Variants in LMX1A observed in about 807,000 individuals in gnomAD.
LMX1A encodes LIM homeobox transcription factor 1-alpha.
A neutral mutation model predicts 49.1 loss-of-function variants in LMX1A; 15 were observed. The observed-to-expected ratio is 0.31, with a 90% CI of 0.20 to 0.47. LMX1A has a LOEUF of 0.47. Among genes scored for constraint, LMX1A ranks in the 20% least tolerant of loss-of-function variants. LMX1A has a pLI of 1.00. For missense variants in LMX1A, 372 were observed against 475.8 expected, an observed-to-expected ratio of 0.78 and a Z score of 2.03; for synonymous variants, 167 against 185.7, an observed-to-expected ratio of 0.90 and a Z score of 0.82.
At chr1:165,309,242 T>C (rs1399007608) in intron 3 of LMX1A, among the ~76,000 whole-genome samples, 7 of 152,136 alleles carry the variant, frequency 4.6e-5, no homozygotes, top group Admixed American at 4.6e-4. Flanking sequence ...CACACGCTGC[T>C]ACAGAGAGCC....
chr1:165,294,692 G>A (rs573572806), intron 3 of LMX1A, among the ~76,000 whole-genome samples: 9 of 152,320 alleles, frequency 5.9e-5, no homozygotes, highest in South Asian at 4.1e-4. Flanking sequence ...GGCTGGGCAC[G>A]GTGGCTCATG....
chr1:165,282,206 CT>C (rs1654173669), intron 3 of LMX1A, among the ~76,000 whole-genome samples: 1 of 152,212 alleles, frequency 6.6e-6, no homozygotes, highest in Non-Finnish European at 1.5e-5. Context: ...ATCTCTATCA[CT>C]AGCCACTCTT....
At chr1:165,291,844 A>G (rs1334835371) in intron 3 of LMX1A, among the ~76,000 whole-genome samples, 1 of 152,040 alleles carries the variant, frequency 6.6e-6, no homozygotes, top group East Asian at 1.9e-4. Flanking sequence ...CGGGCGGATC[A>G]CAAGGTCAGG....
At chr1:165,257,680 A>G (rs1303641500) in intron 3 of LMX1A, among the ~76,000 whole-genome samples, 1 of 152,200 alleles carries the variant, frequency 6.6e-6, no homozygotes, top group Admixed American at 6.5e-5. Flanking sequence ...CATTCTTTTC[A>G]AGATATAGGC....
intron 4 of LMX1A, among the ~76,000 whole-genome samples, chr1:165,237,273 G>A (rs1433340940): frequency 6.6e-6 from 1 of 152,152 alleles, no homozygotes; most frequent in Non-Finnish European, 1.5e-5. Flanking sequence ...GCCCAGGCTG[G>A]AGCGCAGTGG....
intron 4 of LMX1A, among the ~76,000 whole-genome samples, chr1:165,243,787 A>G (rs775839146): frequency 3.9e-5 from 6 of 152,214 alleles, no homozygotes; most frequent in Non-Finnish European, 8.8e-5. Context: ...AATTGAAGTC[A>G]AGGGCTCCTG....
At chr1:165,275,253 T>C (rs1557870649) in intron 3 of LMX1A, among the ~76,000 whole-genome samples, 2 of 152,184 alleles carry the variant, frequency 1.3e-5, no homozygotes, top group East Asian at 3.8e-4. Context: ...GGAGCCTCTA[T>C]CAGGCAAGCA....
chr1:165,355,412 G>A lies in LMX1A; in HGVS notation c.76+72C>T, dbSNP rs1656573640. 2 of 1,480,582 alleles carry A rather than the reference G, an allele frequency of 1.4e-6. No homozygotes were observed. The highest frequency in any genetic ancestry group is 1.4e-5 in the African/African-American group (1 of 72,316). The allele number at this position is 1,480,582 out of a possible 1,614,324, so 91.7% of individuals were successfully genotyped here. A position where few individuals can be genotyped will look rare whatever the true frequency, so the allele number is the denominator to read the frequency against. On this transcript the variant is annotated intron_variant, in intron 2 of 8. Transcript: ENST00000342310. This position sits in a 1 kb window ranked among gnomAD's most constrained non-coding sequence, Gnocchi z 4.7. ...CTTCCCTATCGCGGACCAGGTCCCA[G>A]AGAGCGGGGCTCCAGAGCTCAGCGC... is the stretch of plus-strand genomic sequence containing the variant.
intron 3 of LMX1A, among the ~76,000 whole-genome samples, chr1:165,265,629 A>G (rs1557867814): frequency 6.6e-6 from 1 of 152,238 alleles, no homozygotes; most frequent in Non-Finnish European, 1.5e-5. Context: ...ATTGCACTGT[A>G]CCAATGAGAG....
chr1:165,268,852 T>C (rs1653704292), intron 3 of LMX1A, among the ~76,000 whole-genome samples: 1 of 152,236 alleles, frequency 6.6e-6, no homozygotes, highest in Non-Finnish European at 1.5e-5. Flanking sequence ...GTGCTTCACA[T>C]TGTTATGAAA....
At chr1:165,260,209 G>C (rs1482577785) in intron 3 of LMX1A, among the ~76,000 whole-genome samples, 1 of 152,196 alleles carries the variant, frequency 6.6e-6, no homozygotes, top group Non-Finnish European at 1.5e-5. Context: ...CAACAGAGCA[G>C]AAGAAATGAG....
intron 3 of LMX1A, among the ~76,000 whole-genome samples, chr1:165,343,560 C>G (rs1656147584): frequency 6.6e-6 from 1 of 152,140 alleles, no homozygotes; most frequent in South Asian, 2.1e-4. Context: ...GGCTTGGACA[C>G]CTGTTGACAA....
At chr1:165,253,471 C>T (rs1653127125) in intron 3 of LMX1A, among the ~76,000 whole-genome samples, 1 of 152,068 alleles carries the variant, frequency 6.6e-6, no homozygotes, top group Admixed American at 6.6e-5. Context: ...CCCAGGGAGG[C>T]ATTACTCACA....
At chr1:165,303,695 C>T (rs560704220) in intron 3 of LMX1A, among the ~76,000 whole-genome samples, 226 of 152,188 alleles carry the variant, frequency 1.5e-3, no homozygotes, top group African/African-American at 5.1e-3. Context: ...GGGAAGTAGG[C>T]GGGTACTGGA....
At chr1:165,317,970 G>C (rs1473045998) in intron 3 of LMX1A, among the ~76,000 whole-genome samples, 1 of 152,222 alleles carries the variant, frequency 6.6e-6, no homozygotes, top group African/African-American at 2.4e-5. Context: ...CATGCCCCAA[G>C]GCAGGGAAGG....
chr1:165,204,683 A>C (rs1651000709), intron 8 of LMX1A, among the ~76,000 whole-genome samples: 1 of 152,228 alleles, frequency 6.6e-6, no homozygotes, highest in Non-Finnish European at 1.5e-5. Flanking sequence ...TGAAAACTGG[A>C]GTTTATACAA....
intron 3 of LMX1A, among the ~76,000 whole-genome samples, chr1:165,299,638 G>A (rs886159317): frequency 6.6e-6 from 1 of 152,068 alleles, no homozygotes; most frequent in South Asian, 2.1e-4. Context: ...AGTTTATACT[G>A]CAAATCGACC....
chr1:165,239,547 C>T (rs1652572216), intron 4 of LMX1A, among the ~76,000 whole-genome samples: 1 of 152,120 alleles, frequency 6.6e-6, no homozygotes, highest in Non-Finnish European at 1.5e-5. Flanking sequence ...AAATGCTGAG[C>T]CTCAAACTAA....
rs1050340857 is a variant in LMX1A at position 165,244,132 on chromosome 1, C to T, written c.496+5276G>A. On this transcript the variant is annotated intron_variant, in intron 4 of 8. Coordinates refer to ENST00000342310, the MANE Select transcript of LMX1A (RefSeq NM_177398.4). ...AACTCAGAAGGACAAAGCTAGGGAA[C>T]TTCTGGATAGCTGAAATGTGGAGGT... Among the ~76,000 whole-genome samples the T allele has an allele frequency of 2.6e-5, 4 of 152,184 alleles. No homozygotes were observed. In the East Asian group the frequency reaches 7.7e-4, roughly 29 times the overall value.
Sources: allele counts gnomAD v4.1 joint callset (sites outside exome capture counted in the v4.1 genomes callset), GRCh38; gene constraint gnomAD v4.1.1; non-coding constraint Gnocchi (gnomAD v3.1); transcripts MANE v1.5; gene names NCBI Gene and HGNC (gene_info 2026-07-23, HGNC 2026-07-21).